ZNF75A: variants seen among roughly 807,000 people sequenced by gnomAD.
ZNF75A encodes the protein zinc finger protein 75A.
In ZNF75A, 36 loss-of-function variants were observed where a neutral mutation model predicts 46.3. The observed-to-expected ratio is 0.78, with a 90% CI of 0.60 to 1.03. The LOEUF (loss-of-function observed/expected upper bound fraction) is 1.03. Among genes scored for constraint, ZNF75A ranks in the 50% least tolerant of loss-of-function variants. The pLI is 0.00. For missense variants in ZNF75A, 595 were observed against 551.3 expected, an observed-to-expected ratio of 1.08 and a Z score of -0.79; for synonymous variants, 234 against 189.9, an observed-to-expected ratio of 1.23 and a Z score of -1.91.
At chr16:3,308,041 A>C (rs1040979453) in intron 1 of ZNF75A, 1 of 152,126 alleles carries the variant, frequency 6.6e-6, no homozygotes, top group Non-Finnish European at 1.5e-5. Flanking sequence ...ATCCCAAAAT[A>C]CCTTTCAGCC....
downstream of ZNF75A, chr16:3,323,121 CAAAAA>C (rs143414069): frequency 1.9e-6 from 1 of 529,672 alleles, no homozygotes; most frequent in South Asian, 2.2e-5. Flanking sequence ...AAAAAAATCT[CAAAAA>C]AACAAAAACA....
rs1167116858 is a variant in ZNF75A at position 3,313,262 on chromosome 16, TC to T, written c.823+89del. On this transcript the variant is annotated intron_variant, in intron 5 of 6. Coordinates refer to ENST00000669516, the MANE Select transcript of ZNF75A (RefSeq NM_001302109.2). ...ACCCCAGTGAGGGGTGTCTTACTGT[TC>T]CAGGAGCTGGTTGATTCTCATCTAG... 10 of 1,397,014 alleles carry T rather than the reference TC, an allele frequency of 7.2e-6. No homozygotes were observed. In the East Asian group the frequency reaches 2.1e-4, roughly 29 times the overall value. The allele number at this position is 1,397,014 out of a possible 1,614,324, so 86.5% of individuals were successfully genotyped here.
At chr16:3,322,437 C>G (rs879386544), downstream of ZNF75A, among the ~76,000 whole-genome samples, 6 of 152,324 alleles carry the variant, frequency 3.9e-5, no homozygotes, top group Admixed American at 1.3e-4. Flanking sequence ...AGTCGAGCGT[C>G]TGTAAGGCTT....
intron 5 of ZNF75A, chr16:3,315,065 C>T: frequency 1.0e-6 from 1 of 985,280 alleles, no homozygotes; most frequent in Non-Finnish European, 1.2e-6. Context: ...CATTCCTTGT[C>T]CTACGTGGAG....
chr16:3,322,410 A>G (rs1029057632), downstream of ZNF75A, among the ~76,000 whole-genome samples: 1 of 152,224 alleles, frequency 6.6e-6, no homozygotes, highest in African/African-American at 2.4e-5. Flanking sequence ...GTTGGGCTGT[A>G]CTGAAATGCC....
At chr16:3,318,895 TCTGTC>T (rs1055139159), downstream of ZNF75A, 11 of 942,450 alleles carry the variant, frequency 1.2e-5, no homozygotes, top group Admixed American at 1.8e-4. Context: ...TCCATGTTGT[TCTGTC>T]CTGTCCTGTA....
At chr16:3,321,774 T>A (rs1189846456), downstream of ZNF75A, among the ~76,000 whole-genome samples, 1 of 152,224 alleles carries the variant, frequency 6.6e-6, no homozygotes, top group African/African-American at 2.4e-5. Context: ...CAACCTCAGA[T>A]ATCTTTTAAC....
At chr16:3,311,686 C>T (rs192408923) in intron 2 of ZNF75A, 67 bp from the exon 3 acceptor site, 7 of 886,558 alleles carry the variant, frequency 7.9e-6, no homozygotes, top group Admixed American at 1.1e-4. Flanking sequence ...GTACACCTGT[C>T]GCTCTGCCTC....
intron 5 of ZNF75A, 137 bp from the exon 6 acceptor site, chr16:3,316,775 A>T: frequency 1.6e-6 from 1 of 618,682 alleles, no homozygotes; most frequent in Non-Finnish European, 2.9e-6. Context: ...GTGATACTTA[A>T]TCTTGGAGTC....
chr16:3,323,002 C>A, downstream of ZNF75A: 1 of 859,370 alleles, frequency 1.2e-6, no homozygotes, highest in Non-Finnish European at 1.4e-6. Flanking sequence ...TGGAACTGGA[C>A]TGTGATGAGA....
downstream of ZNF75A, among the ~76,000 whole-genome samples, chr16:3,322,138 A>T (rs1292267029): frequency 6.6e-6 from 1 of 152,140 alleles, no homozygotes; most frequent in African/African-American, 2.4e-5. Context: ...CTGTGGACTG[A>T]ATTCTCTCCT....
intron 5 of ZNF75A, 37 bp from the exon 6 acceptor site, chr16:3,316,875 G>C (rs763147823): frequency 7.0e-7 from 1 of 1,437,110 alleles, no homozygotes; most frequent in East Asian, 2.3e-5. Flanking sequence ...TCACTGTTAA[G>C]TTACCAGTCC....
intron 2 of ZNF75A, 80 bp from the exon 3 acceptor site, chr16:3,311,673 G>T: frequency 1.4e-6 from 1 of 738,422 alleles, no homozygotes. Flanking sequence ...CACAATGTGG[G>T]CTGTACACCT....
Position 3,317,933 on chromosome 16 carries a change from T to G in ZNF75A, c.*64T>G. On this transcript the variant is annotated 3_prime_UTR_variant, in exon 7 of 7. Coordinates refer to ENST00000669516, the MANE Select transcript of ZNF75A (RefSeq NM_001302109.2). ...ACCAAATGGAGCTTGGCACTAAAAT[T>G]TATGTAAAAGAAAAATCACAAACCT... 1 of 1,500,588 alleles carries G rather than the reference T, an allele frequency of 6.7e-7. No homozygotes were observed. The highest frequency in any genetic ancestry group is 8.9e-7 in the Non-Finnish European group (1 of 1,127,806). The allele number at this position is 1,500,588 out of a possible 1,614,324, so 93.0% of individuals were successfully genotyped here. A position where few individuals can be genotyped will look rare whatever the true frequency, so the allele number is the denominator to read the frequency against.
At chr16:3,313,963 A>G (rs183836547) in intron 5 of ZNF75A, among the ~76,000 whole-genome samples, 8 of 152,000 alleles carry the variant, frequency 5.3e-5, no homozygotes, top group African/African-American at 1.9e-4. Context: ...GTTTCATTTT[A>G]TTTGGCACAC....
chr16:3,311,276 A>T (rs60400617), intron 2 of ZNF75A, among the ~76,000 whole-genome samples: 1 of 152,190 alleles, frequency 6.6e-6, no homozygotes, highest in East Asian at 1.9e-4. Context: ...CGTCTCTACT[A>T]AAAATGCAAA....
chr16:3,316,804 G>A (rs1961241704), intron 5 of ZNF75A, 108 bp from the exon 6 acceptor site: 2 of 703,966 alleles, frequency 2.8e-6, no homozygotes, highest in South Asian at 3.7e-5. Flanking sequence ...TAACCATTTG[G>A]AGTAACAAAT....
chr16:3,317,799 C>T lies in ZNF75A; in HGVS notation c.1544C>T (p.Thr515Ile), dbSNP rs765577499. The T allele has an allele frequency of 2.2e-5, 36 of 1,614,002 alleles. No individual in the cohort carries two copies. The East Asian group carries it at 7.4e-4, about 33-fold the overall frequency. Residue 515 changes from threonine to isoleucine, a missense_variant, in exon 7 of 7, where the codon ACT becomes ATT. Coordinates refer to ENST00000669516, the MANE Select transcript of ZNF75A (RefSeq NM_001302109.2). ...ACCCACACAGGTGAGCAGCCATATA[C>T]TTGTAGCATATGCAGGAGAAACTTC... ...RRTHTGEQPY[T>I]CSICRRNFSR...
Position 3,310,754 on chromosome 16 carries a change from G to A in ZNF75A, c.409-999G>A, listed in dbSNP as rs1039441790. ...AACAGAATAGCCAAGGACAGGAAATGCACTGATGGGTAATGTCCTCCCTAT... is the reference window on the plus strand; with the variant it reads ...AACAGAATAGCCAAGGACAGGAAATACACTGATGGGTAATGTCCTCCCTAT... On this transcript the variant is annotated intron_variant, in intron 2 of 6. Transcript: ENST00000669516. The A allele has an allele frequency of 8.1e-6, 8 of 985,250 alleles. No homozygotes were observed. In the African/African-American group the frequency reaches 1.4e-4, roughly 17 times the overall value. 61.0% of individuals were successfully genotyped at this position (985,250 alleles called of 1,614,324 possible).
Sources: allele counts gnomAD v4.1 joint callset (sites outside exome capture counted in the v4.1 genomes callset), GRCh38; gene constraint gnomAD v4.1.1; transcripts MANE v1.5; gene names NCBI Gene and HGNC (gene_info 2026-07-23, HGNC 2026-07-21).